Variants in UBE2Q2 observed in about 807,000 individuals in gnomAD.
The protein encoded by UBE2Q2 is ubiquitin conjugating enzyme E2 Q2.
A neutral mutation model predicts 59.9 loss-of-function variants in UBE2Q2; 54 were observed. That is an observed-to-expected ratio of 0.90 (90% CI 0.72 to 1.13). The LOEUF (loss-of-function observed/expected upper bound fraction) is 1.13, where lower values mean the gene tolerates loss of function less well. UBE2Q2 is among the 50% of genes most tolerant of loss of function. The probability of loss-of-function intolerance (pLI) is 0.00; values close to 1 mark genes in which losing one functional copy is unlikely to be tolerated. For missense variants in UBE2Q2, 433 were observed against 441.9 expected (o/e 0.98, Z 0.18); for synonymous variants, 165 against 155.2 (o/e 1.06, Z -0.47).
intron 9 of UBE2Q2, among the ~76,000 whole-genome samples, chr15:75,885,428 A>G (rs1898705408): frequency 6.6e-6 from 1 of 152,104 alleles, no homozygotes; most frequent in African/African-American, 2.4e-5. Flanking sequence ...GTGGTTTGTT[A>G]ATAGATGTTT....
rs990588051 is a variant in UBE2Q2, at chr15:75,859,817, T to C, written c.283-61T>C. 2.5e-6 allele frequency: 3 copies of C among 1,221,116 alleles called. No homozygotes were observed. In the East Asian group the frequency reaches 7.7e-5, roughly 31 times the overall value. The allele number at this position is 1,221,116 out of a possible 1,614,324, so 75.6% of individuals were successfully genotyped here. On this transcript the variant is annotated intron_variant, in intron 2 of 12. Transcript: ENST00000267938. ...TGGATTGATTACAGTAGTCATAACATTATTGATGTCTTCTAAGGGCTCTTT... is the reference window on the plus strand; with the variant it reads ...TGGATTGATTACAGTAGTCATAACACTATTGATGTCTTCTAAGGGCTCTTT...
chr15:75,848,385 G>C (rs1437826120), intron 1 of UBE2Q2, among the ~76,000 whole-genome samples: 1 of 152,136 alleles, frequency 6.6e-6, no homozygotes, highest in Non-Finnish European at 1.5e-5. Flanking sequence ...TTTTCTCTTT[G>C]GTTTGCCCTC....
intron 4 of UBE2Q2, among the ~76,000 whole-genome samples, chr15:75,873,169 G>A (rs555328438): frequency 6.6e-6 from 1 of 152,208 alleles, no homozygotes; most frequent in South Asian, 2.1e-4. Context: ...TTAGAAGATG[G>A]CTTATTTGGT....
intron 8 of UBE2Q2, among the ~76,000 whole-genome samples, chr15:75,880,547 G>T (rs1460430723): frequency 2.6e-5 from 4 of 151,812 alleles, no homozygotes; most frequent in Non-Finnish European, 5.9e-5. Context: ...AGTGGCCCAG[G>T]CTGGCGTGTG....
Position 75,897,166 on chromosome 15 carries a change from C to T in UBE2Q2, c.1096+105C>T, listed in dbSNP as rs868822660. The T allele has an allele frequency of 5.9e-5, 28 of 473,368 alleles. No individual in the cohort carries two copies. In the Middle Eastern group the frequency reaches 1.7e-3, roughly 28 times the overall value. 29.3% of individuals were successfully genotyped at this position (473,368 alleles called of 1,614,324 possible). ...GTTTTTGCTTTAGTTTCTTAAAATG[C>T]TGTTACCATGGTGAAAGAAACTTGT... On this transcript the variant is annotated intron_variant, in intron 12 of 12. Coordinates refer to ENST00000267938, the MANE Select transcript of UBE2Q2 (RefSeq NM_173469.4).
intron 12 of UBE2Q2, among the ~76,000 whole-genome samples, chr15:75,897,817 C>G (rs981074961): frequency 6.6e-6 from 1 of 151,988 alleles, no homozygotes; most frequent in Non-Finnish European, 1.5e-5. Flanking sequence ...ACTGTAGGCA[C>G]AAGCCACCAT....
intron 5 of UBE2Q2, among the ~76,000 whole-genome samples, chr15:75,874,830 T>C (rs901938533): frequency 6.6e-6 from 1 of 152,212 alleles, no homozygotes; most frequent in Non-Finnish European, 1.5e-5. Context: ...GTTAGAGCTA[T>C]TGACCAACTC....
At chr15:75,845,164 C>T (rs1221232367) in intron 1 of UBE2Q2, among the ~76,000 whole-genome samples, 1 of 152,054 alleles carries the variant, frequency 6.6e-6, no homozygotes, top group Admixed American at 6.6e-5. Flanking sequence ...CTAATTTTGA[C>T]TTGGGGGAGG....
intron 1 of UBE2Q2, among the ~76,000 whole-genome samples, chr15:75,848,903 C>A (rs752066903): frequency 6.6e-6 from 1 of 152,164 alleles, no homozygotes. Context: ...ACCTAGGAAA[C>A]CACCCAGTGG....
intron 9 of UBE2Q2, among the ~76,000 whole-genome samples, chr15:75,886,125 GT>G (rs5813808): frequency 0.51 from 75,301 of 147,776 alleles, 19,167 homozygotes; most frequent in African/African-American, 0.59. Flanking sequence ...TTGTGTTTTA[GT>G]TTTTTTTTTT....
intron 9 of UBE2Q2, among the ~76,000 whole-genome samples, chr15:75,883,903 A>C (rs974540084): frequency 2.6e-5 from 4 of 152,156 alleles, no homozygotes; most frequent in Non-Finnish European, 5.9e-5. Flanking sequence ...TAAAAAAGCT[A>C]ATGTTTTCAA....
intron 6 of UBE2Q2, among the ~76,000 whole-genome samples, chr15:75,877,385 G>A (rs1370711560): frequency 6.6e-6 from 1 of 151,476 alleles, no homozygotes; most frequent in Non-Finnish European, 1.5e-5. Context: ...AAGTCTAAAA[G>A]TTTATCTGTA....
At chr15:75,880,544 C>T (rs1386803558) in intron 8 of UBE2Q2, among the ~76,000 whole-genome samples, 1 of 151,748 alleles carries the variant, frequency 6.6e-6, no homozygotes, top group Non-Finnish European at 1.5e-5. Flanking sequence ...TGCAGTGGCC[C>T]AGGCTGGCGT....
intron 3 of UBE2Q2, among the ~76,000 whole-genome samples, chr15:75,868,370 G>A (rs1205868970): frequency 6.6e-6 from 1 of 152,236 alleles, no homozygotes; most frequent in Non-Finnish European, 1.5e-5. Flanking sequence ...AATTGGTTAA[G>A]TTGTGTCTTG....
intron 1 of UBE2Q2, among the ~76,000 whole-genome samples, chr15:75,852,402 C>T (rs542969694): frequency 1.3e-5 from 2 of 152,240 alleles, no homozygotes; most frequent in African/African-American, 4.8e-5. Context: ...GTCTGAGGTC[C>T]CCACTTTGGG....
At chr15:75,845,409 CAG>C (rs1317775690) in intron 1 of UBE2Q2, among the ~76,000 whole-genome samples, 1 of 152,074 alleles carries the variant, frequency 6.6e-6, no homozygotes, top group African/African-American at 2.4e-5. Context: ...GAGTGGAAAA[CAG>C]AAAGTGTAGT....
chr15:75,875,296 T>TA (rs1363758315), intron 5 of UBE2Q2, among the ~76,000 whole-genome samples: 1 of 1,850 alleles, frequency 5.4e-4, no homozygotes, highest in Non-Finnish European at 0.012. Flanking sequence ...GGAAACTTGA[T>TA]TTTTCCCCCC....
intron 9 of UBE2Q2, among the ~76,000 whole-genome samples, chr15:75,887,146 A>AT (rs1898825147): frequency 1.3e-5 from 2 of 152,234 alleles, no homozygotes; most frequent in South Asian, 4.1e-4. Flanking sequence ...AAATCTTCTG[A>AT]TTCCTAATAA....
chr15:75,869,949 T>TA (rs912995915), intron 4 of UBE2Q2, among the ~76,000 whole-genome samples: 4 of 152,006 alleles, frequency 2.6e-5, no homozygotes, highest in African/African-American at 4.8e-5. Flanking sequence ...GGTCTTGATT[T>TA]AAAAAAAAAT....
Sources: gnomAD v4.1 joint callset for allele counts (sites outside exome capture counted in the v4.1 genomes callset) on GRCh38, gnomAD v4.1.1 for gene constraint, MANE v1.5 for transcripts, NCBI Gene and HGNC (gene_info 2026-07-23, HGNC 2026-07-21) for gene names.